The following B9D1 variants were observed in gnomAD, a reference collection of about 807,000 sequenced individuals.
B9D1 encodes the protein B9 domain-containing protein 1.
A neutral mutation model predicts 26.1 loss-of-function variants in B9D1; 20 were observed. That is an observed-to-expected ratio of 0.77 (90% CI 0.54 to 1.12). The LOEUF (loss-of-function observed/expected upper bound fraction) is 1.12. Ranked by LOEUF, B9D1 falls within the 50% of genes most tolerant of loss-of-function variation. The probability of loss-of-function intolerance (pLI) is 0.00; values close to 1 mark genes in which losing one functional copy is unlikely to be tolerated. For missense variants in B9D1, 260 were observed against 273.7 expected (o/e 0.95, Z 0.35); for synonymous variants, 105 against 103.1 (o/e 1.02, Z -0.11).
chr17:19,341,946 G>C (rs1908016574), downstream of B9D1, among the ~76,000 whole-genome samples: 2 of 152,188 alleles, frequency 1.3e-5, no homozygotes, highest in Non-Finnish European at 2.9e-5. Context: ...GCACAGGGAA[G>C]CGCCACATGA....
In B9D1 at chr17:19,372,033, G is replaced by A. The variant is rs1006871543; in HGVS notation, c.-298+5826C>T. ...AAACAGAGGCCCCTCCCACAGTTGA[G>A]CCCATTTTGTCACCTGTAACCAGGG... On this transcript the variant is annotated intron_variant, in intron 1 of 5. Transcript: ENST00000477478. The surrounding 1 kb of genome is among the most constrained non-coding windows in gnomAD (Gnocchi z 4.4). The A allele has an allele frequency of 5.3e-5, 8 of 152,214 alleles. No homozygotes were observed. The highest frequency in any genetic ancestry group is 1.9e-4 in the African/African-American group (8 of 41,442). The allele number at this position is 152,214 out of a possible 1,614,324, so 9.4% of individuals were successfully genotyped here.
downstream of B9D1, chr17:19,343,088 TG>T: frequency 7.1e-7 from 1 of 1,412,542 alleles, no homozygotes; most frequent in Admixed American, 2.9e-5. Flanking sequence ...GGGAGAGCCC[TG>T]GAGGTGGGGC....
At chr17:19,375,159 G>C (rs572625625) in intron 1 of B9D1, among the ~76,000 whole-genome samples, 11 of 152,068 alleles carry the variant, frequency 7.2e-5, no homozygotes, top group African/African-American at 2.7e-4. Flanking sequence ...GTGCAATGAT[G>C]TGTGCCTGTA....
At chr17:19,342,861 G>A (rs1598043820), downstream of B9D1, among the ~76,000 whole-genome samples, 1 of 152,224 alleles carries the variant, frequency 6.6e-6, no homozygotes, top group Non-Finnish European at 1.5e-5. Flanking sequence ...GGAGGCTGGT[G>A]GCCAGAAGCA....
intron 3 of B9D1, among the ~76,000 whole-genome samples, chr17:19,354,315 G>C (rs1228371771): frequency 3.9e-5 from 6 of 152,112 alleles, no homozygotes; most frequent in Non-Finnish European, 1.5e-5. Flanking sequence ...CTCTCCCCAT[G>C]CCTCAGTCAA....
chr17:19,348,267 A>C (rs1043563371), intron 3 of B9D1, among the ~76,000 whole-genome samples: 3 of 152,170 alleles, frequency 2.0e-5, no homozygotes, highest in African/African-American at 7.2e-5. Context: ...AGGCGGGCTC[A>C]TGGGACTGAG....
In B9D1 at chr17:19,347,776, G is replaced by A. The variant is rs1362622314; in HGVS notation, c.341+8C>T. The stretch of plus-strand genomic sequence containing the variant: ...CTGCCCAGGGCCCAGGTCAGAATGA[G>A]GACCTACCGGCCAGGTGAGAAGGGC... On this transcript the variant is annotated splice_region_variant and intron_variant, in intron 4 of 6. Coordinates refer to ENST00000261499, the MANE Select transcript of B9D1 (RefSeq NM_015681.6). This position sits in a 1 kb window ranked among gnomAD's most constrained non-coding sequence, Gnocchi z 4.3. 6.2e-7 allele frequency: 1 copy of A among 1,613,264 alleles called. No individual in the cohort carries two copies. Among genetic ancestry groups the A allele is most frequent in the East Asian group, 2.2e-5 (1 of 44,872 alleles).
At chr17:19,354,610 A>G (rs1910077710) in intron 3 of B9D1, among the ~76,000 whole-genome samples, 1 of 152,108 alleles carries the variant, frequency 6.6e-6, no homozygotes, top group Admixed American at 6.5e-5. Flanking sequence ...TGGCTGGATC[A>G]TGAGGTCAGG....
At chr17:19,358,147 C>T (rs1469364748) in intron 2 of B9D1, among the ~76,000 whole-genome samples, 196 bp from the exon 3 acceptor site, 1 of 152,074 alleles carries the variant, frequency 6.6e-6, no homozygotes, top group Non-Finnish European at 1.5e-5. Flanking sequence ...CGTAGCTTGA[C>T]AACCCTGGGA....
intron 1 of B9D1, among the ~76,000 whole-genome samples, chr17:19,369,910 T>G (rs1286929598): frequency 6.6e-6 from 1 of 152,114 alleles, no homozygotes; most frequent in Non-Finnish European, 1.5e-5. Context: ...TCCTACCTAG[T>G]GCCCCGCCAA....
At chr17:19,377,788 G>A in intron 1 of B9D1, 5 of 975,364 alleles carry the variant, frequency 5.1e-6, no homozygotes, top group Non-Finnish European at 6.1e-6. Flanking sequence ...TTGGGCGGCC[G>A]CCTCGGTTAA....
intron 1 of B9D1, among the ~76,000 whole-genome samples, chr17:19,376,539 G>A (rs1346681907): frequency 6.6e-6 from 1 of 151,050 alleles, no homozygotes; most frequent in Non-Finnish European, 1.5e-5. Flanking sequence ...TTGGGAGGCC[G>A]GGAGCAGGGG....
intron 1 of B9D1, among the ~76,000 whole-genome samples, chr17:19,373,286 C>T (rs995134791): frequency 2.0e-5 from 3 of 152,286 alleles, no homozygotes; most frequent in Admixed American, 6.5e-5. Flanking sequence ...ACATCAGCAC[C>T]CCCCAACCTG....
chr17:19,372,616 C>A lies in B9D1; in HGVS notation c.-298+5243G>T, dbSNP rs1275329022. ...TAGCTCCCCAGGGCCGGCCCCCCATCTCGGTGCCTGTCACAGATTTCCCTC... is the reference window on the plus strand; with the variant it reads ...TAGCTCCCCAGGGCCGGCCCCCCATATCGGTGCCTGTCACAGATTTCCCTC... On this transcript the variant is annotated intron_variant, in intron 1 of 5. Coordinates refer to the B9D1 transcript ENST00000477478. The surrounding 1 kb of genome is among the most constrained non-coding windows in gnomAD (Gnocchi z 4.4). Among the ~76,000 whole-genome samples the A allele has an allele frequency of 6.6e-6, 1 of 152,240 alleles. No individual in the cohort carries two copies. The highest frequency in any genetic ancestry group is 6.5e-5 in the Admixed American group (1 of 15,290).
chr17:19,341,982 T>C (rs1343063296), downstream of B9D1, among the ~76,000 whole-genome samples: 1 of 151,970 alleles, frequency 6.6e-6, no homozygotes, highest in Non-Finnish European at 1.5e-5. Context: ...GAGGGAGGGA[T>C]GCCTCAATCC....
chr17:19,356,641 G>C (rs1910397750), intron 3 of B9D1, among the ~76,000 whole-genome samples: 1 of 152,170 alleles, frequency 6.6e-6, no homozygotes. Context: ...CCTGGACCCA[G>C]AGAGGCTGTC....
chr17:19,344,524 C>T (rs1036728003), intron 5 of B9D1: 21 of 272,276 alleles, frequency 7.7e-5, no homozygotes, highest in Non-Finnish European at 1.3e-4. Flanking sequence ...CACACCCACG[C>T]GAGCCGGAAA....
chr17:19,362,713 G>A lies in B9D1; in HGVS notation c.-144C>T, dbSNP rs537793101. On this transcript the variant is annotated 5_prime_UTR_variant, in exon 1 of 7. The change creates a new upstream start codon in the 5' untranslated region. Transcript: ENST00000261499. ...CTTCGCGAAGGCCACGCGAGTGCGC[G>A]TGTGGCATGCGCAGGCGCAGTGAAC... 2.8e-4 allele frequency: 421 copies of A among 1,525,854 alleles called. No individual in the cohort carries two copies. In the African/African-American group the frequency reaches 5.0e-3, roughly 18 times the overall value. 94.5% of individuals were successfully genotyped at this position (1,525,854 alleles called of 1,614,324 possible).
intron 1 of B9D1, among the ~76,000 whole-genome samples, chr17:19,376,451 A>G (rs1191451751): frequency 6.6e-6 from 1 of 151,940 alleles, no homozygotes; most frequent in African/African-American, 2.4e-5. Flanking sequence ...ATAGCCTGCT[A>G]CTGGGAGGCT....
Sources: gnomAD v4.1 joint callset for allele counts (sites outside exome capture counted in the v4.1 genomes callset) on GRCh38, gnomAD v4.1.1 for gene constraint, Gnocchi (gnomAD v3.1) non-coding constraint, MANE v1.5 for transcripts, NCBI Gene and HGNC (gene_info 2026-07-23, HGNC 2026-07-21) for gene names.